Variants in ATP8B4 observed in about 807,000 individuals in gnomAD.
ATP8B4 encodes the protein probable phospholipid-transporting ATPase IM.
Under a neutral mutation model 145.6 loss-of-function variants are expected in ATP8B4, and 133 were observed. That is an observed-to-expected ratio of 0.91 (90% CI 0.79 to 1.05). The LOEUF is 1.05. ATP8B4 is among the 50% of genes least tolerant of loss of function. ATP8B4 has a pLI of 0.00. For synonymous variants in ATP8B4, 507 were observed against 492.9 expected (o/e 1.03, Z -0.38); for missense variants, 1,458 against 1,425.2 (o/e 1.02, Z -0.37).
At chr15:49,875,091 C>CA (rs2034197067) in intron 25 of ATP8B4, among the ~76,000 whole-genome samples, 1 of 152,160 alleles carries the variant, frequency 6.6e-6, no homozygotes, top group South Asian at 2.1e-4. Flanking sequence ...CACACACACA[C>CA]ATCTATCCAT....
intron 14 of ATP8B4, among the ~76,000 whole-genome samples, chr15:49,943,246 A>G (rs1352597788): frequency 6.6e-6 from 1 of 152,142 alleles, no homozygotes; most frequent in Admixed American, 6.5e-5. Flanking sequence ...TAAACAGAAC[A>G]GCTTATGCAT....
chr15:49,970,930 C>T (rs920636751), intron 13 of ATP8B4, among the ~76,000 whole-genome samples: 1 of 152,102 alleles, frequency 6.6e-6, no homozygotes, highest in Non-Finnish European at 1.5e-5. Context: ...GATATATAGA[C>T]CAACTGAACA....
chr15:50,179,796 G>C (rs547364995), intron 1 of ATP8B4, among the ~76,000 whole-genome samples: 1 of 152,320 alleles, frequency 6.6e-6, no homozygotes, highest in African/African-American at 2.4e-5. Flanking sequence ...CTGGCACCTT[G>C]ATCTTAGACT....
rs1017247984 is a variant in ATP8B4 at position 50,146,192 on chromosome 15, T to C, written c.-43+36069A>G. On this transcript the variant is annotated intron_variant, in intron 1 of 3. Transcript: ENST00000558829. ...CGTGCCCAGCTAATTTTTTGTGTTT[T>C]TAGTAGAGACGGGGTTTCACCATCT... is the stretch of plus-strand genomic sequence containing the variant. 3.9e-5 allele frequency among the ~76,000 whole-genome samples: 6 copies of C among 152,196 alleles called. No individual in the cohort carries two copies. The Middle Eastern group carries it at 0.01, about 259-fold the overall frequency.
intron 9 of ATP8B4, among the ~76,000 whole-genome samples, chr15:49,994,868 A>G (rs1044652889): frequency 6.6e-6 from 1 of 152,134 alleles, no homozygotes; most frequent in African/African-American, 2.4e-5. Flanking sequence ...CAGTTAAGTC[A>G]GGGCCAGGTG....
chr15:50,158,350 G>A (rs1040457338), intron 1 of ATP8B4, among the ~76,000 whole-genome samples: 1 of 148,704 alleles, frequency 6.7e-6, no homozygotes, highest in Non-Finnish European at 1.5e-5. Flanking sequence ...GGGAAGTGAG[G>A]AGCGTCTCCG....
At chr15:50,078,609 A>G (rs2054341187) in intron 2 of ATP8B4, among the ~76,000 whole-genome samples, 1 of 152,250 alleles carries the variant, frequency 6.6e-6, no homozygotes, top group East Asian at 1.9e-4. Flanking sequence ...TCAAGTAAAT[A>G]GAAGAAAACT....
At chr15:49,925,550 G>A (rs2040636767) in intron 16 of ATP8B4, among the ~76,000 whole-genome samples, 1 of 152,184 alleles carries the variant, frequency 6.6e-6, no homozygotes, top group Admixed American at 6.5e-5. Flanking sequence ...TGGTCTGGAA[G>A]AATCACAAAC....
At chr15:49,961,129 T>A (rs2044035885) in intron 14 of ATP8B4, among the ~76,000 whole-genome samples, 1 of 139,330 alleles carries the variant, frequency 7.2e-6, no homozygotes, top group Non-Finnish European at 1.6e-5. Context: ...CAAGACTCCA[T>A]CTCAAAAAAA....
intron 18 of ATP8B4, among the ~76,000 whole-genome samples, 175 bp downstream of exon 18, chr15:49,920,071 T>C (rs868199079): frequency 3.3e-5 from 5 of 152,342 alleles, no homozygotes; most frequent in Middle Eastern, 3.4e-3. Flanking sequence ...TTCTAGGCTC[T>C]CTAGGACCAT....
At chr15:50,169,096 C>G (rs574393201) in intron 1 of ATP8B4, among the ~76,000 whole-genome samples, 26 of 152,322 alleles carry the variant, frequency 1.7e-4, no homozygotes, top group African/African-American at 6.3e-4. Context: ...TCCCTATCCA[C>G]TCTGGTAGTG....
intron 2 of ATP8B4, among the ~76,000 whole-genome samples, chr15:50,106,686 G>A (rs2056696911): frequency 6.6e-6 from 1 of 152,144 alleles, no homozygotes; most frequent in Admixed American, 6.6e-5. Context: ...GAAATCAAAA[G>A]ATGGTCACAG....
Position 49,893,144 on chromosome 15 carries a change from C to T in ATP8B4, c.2697+4148G>A, listed in dbSNP as rs187480134. 2.0e-3 allele frequency among the ~76,000 whole-genome samples: 305 copies of T among 152,268 alleles called. 1 individual carries two copies. The highest frequency in any genetic ancestry group is 6.8e-3 in the African/African-American group (282 of 41,554). ...TTTGATTGTAAAGACATATCCAAGT[C>T]TTAGAGATGTCAGATGTGAGAATAC... On this transcript the variant is annotated intron_variant, in intron 23 of 27. Transcript: ENST00000284509.
intron 14 of ATP8B4, among the ~76,000 whole-genome samples, chr15:49,948,102 A>G (rs919848784): frequency 6.6e-6 from 1 of 152,118 alleles, no homozygotes; most frequent in Non-Finnish European, 1.5e-5. Flanking sequence ...AGCACAGACA[A>G]TGAAAGCAAA....
chr15:50,092,502 G>T (rs1295879874), intron 2 of ATP8B4, among the ~76,000 whole-genome samples: 1 of 151,456 alleles, frequency 6.6e-6, no homozygotes, highest in Non-Finnish European at 1.5e-5. Flanking sequence ...ATAACAAGAT[G>T]GAAAATTTCA....
Position 49,898,205 on chromosome 15 carries a change from G to A in ATP8B4, c.2336C>T (p.Ala779Val). The change falls in exon 22 of 28, where the codon GCT becomes GTT. Residue 779 changes from alanine to valine, a missense_variant. Coordinates refer to ENST00000284509, the MANE Select transcript of ATP8B4 (RefSeq NM_024837.4). ...SDVKNDLLEL[A>V]CMCKTVICCR... ...GCAAATTACAGTCTTACACATGCAA[G>A]CAAGTTCTAGGAGATCATTCTTGAC... is the stretch of plus-strand genomic sequence containing the variant. The A allele has an allele frequency of 1.9e-6, 3 of 1,613,826 alleles. No individual in the cohort carries two copies. The highest frequency in any genetic ancestry group is 2.2e-5 in the South Asian group (2 of 91,078).
intron 2 of ATP8B4, among the ~76,000 whole-genome samples, chr15:50,106,535 T>A (rs2056689276): frequency 1.3e-5 from 2 of 152,206 alleles, no homozygotes; most frequent in Admixed American, 1.3e-4. Flanking sequence ...AAATTTAAAA[T>A]GAAGAACAAA....
chr15:50,143,702 G>A (rs1380014568), intron 1 of ATP8B4, among the ~76,000 whole-genome samples: 2 of 152,146 alleles, frequency 1.3e-5, no homozygotes, highest in Non-Finnish European at 2.9e-5. Context: ...GTGGCTTTGT[G>A]CAAATCACAA....
At chr15:50,025,789 T>A (rs535690335) in intron 6 of ATP8B4, among the ~76,000 whole-genome samples, 3 of 152,228 alleles carry the variant, frequency 2.0e-5, no homozygotes, top group Non-Finnish European at 4.4e-5. Flanking sequence ...CTGTTTGGGT[T>A]GACCTGCATT....
Sources: allele counts gnomAD v4.1 joint callset (sites outside exome capture counted in the v4.1 genomes callset), GRCh38; gene constraint gnomAD v4.1.1; transcripts MANE v1.5; gene names NCBI Gene and HGNC (gene_info 2026-07-23, HGNC 2026-07-21).